MOB3C: variants seen among roughly 807,000 people sequenced by gnomAD.
MOB3C encodes MOB1, Mps One Binder kinase activator-like 2C.
A neutral mutation model predicts 19.8 loss-of-function variants in MOB3C; 17 were observed. That is an observed-to-expected ratio of 0.86 (90% CI 0.59 to 1.29). The LOEUF (loss-of-function observed/expected upper bound fraction) is 1.29. Among genes scored for constraint, MOB3C ranks in the 50% most tolerant of loss-of-function variants. The pLI is 0.00. For synonymous variants in MOB3C, 101 were observed against 119.2 expected, an observed-to-expected ratio of 0.85 and a Z score of 0.99; for missense variants, 291 against 301.9, an observed-to-expected ratio of 0.96 and a Z score of 0.27.
intron 1 of MOB3C, chr1:46,613,990 A>AG (rs1273712533): frequency 6.6e-6 from 1 of 152,168 alleles, no homozygotes; most frequent in African/African-American, 2.4e-5. Context: ...GCACTGGAGG[A>AG]GGGGGAGGGC....
At chr1:46,609,762 G>A (rs1461430123) in intron 3 of MOB3C, 78 bp from the exon 4 acceptor site, 1 of 1,574,720 alleles carries the variant, frequency 6.4e-7, no homozygotes, top group East Asian at 2.3e-5. Flanking sequence ...ATAGGGCCTA[G>A]CTGCTCTTCT....
At chr1:46,616,022 C>A in intron 1 of MOB3C, 1 of 152,508 alleles carries the variant, frequency 6.6e-6, no homozygotes, top group Non-Finnish European at 1.5e-5. Context: ...CCCATGCCCT[C>A]ACTGAGTTTC....
intron 1 of MOB3C, chr1:46,614,014 G>C (rs941637962): frequency 6.6e-6 from 1 of 152,316 alleles, no homozygotes; most frequent in Admixed American, 6.5e-5. Context: ...AGGCCAATGA[G>C]GGCGTCGCTT....
rs1363315007 is a variant in MOB3C at position 46,608,883 on chromosome 1, A to G, written c.*772T>C. On this transcript the variant is annotated 3_prime_UTR_variant, in exon 4 of 4. Coordinates refer to ENST00000319928, the MANE Select transcript of MOB3C (RefSeq NM_201403.3). This position sits in a 1 kb window ranked among gnomAD's most constrained non-coding sequence, Gnocchi z 4.5. ...GTCAGCTCATGGGCATCTCTGGGTA[A>G]GAGAATCAGAGCCTGTGTCTGCAGT... The G allele has an allele frequency of 6.5e-6, 1 of 152,788 alleles. No homozygotes were observed. Among genetic ancestry groups the G allele is most frequent in the Non-Finnish European group, 1.5e-5 (1 of 68,288 alleles). 9.5% of individuals were successfully genotyped at this position (152,788 alleles called of 1,614,324 possible).
chr1:46,614,853 G>A (rs999785786), intron 1 of MOB3C: 1 of 703,610 alleles, frequency 1.4e-6, no homozygotes, highest in Non-Finnish European at 2.4e-6. Context: ...TGAGACAAAG[G>A]TCCTTCCTTG....
Position 46,611,413 on chromosome 1 carries a change from T to C in MOB3C, c.419-1209A>G, listed in dbSNP as rs1194042306. On this transcript the variant is annotated intron_variant, in intron 2 of 3. Transcript: ENST00000319928. This position sits in a 1 kb window ranked among gnomAD's most constrained non-coding sequence, Gnocchi z 4.1. Reference sequence around the variant, plus strand: ...CCATGAAAAAGGCCCCGCTTCTGCATAGTCCCCCATGCTCAAGGCAGAGAT... The same window carrying C: ...CCATGAAAAAGGCCCCGCTTCTGCACAGTCCCCCATGCTCAAGGCAGAGAT... Among the ~76,000 whole-genome samples the C allele has an allele frequency of 2.6e-5, 4 of 152,186 alleles. No homozygotes were observed.
chr1:46,610,236 G>C, intron 2 of MOB3C, 32 bp from the exon 3 acceptor site: 1 of 1,605,638 alleles, frequency 6.2e-7, no homozygotes, highest in African/African-American at 1.3e-5. Context: ...AAGGGGATCA[G>C]TATCCTGGTG....
At chr1:46,609,775 C>G in intron 3 of MOB3C, 91 bp from the exon 4 acceptor site, 1 of 1,540,494 alleles carries the variant, frequency 6.5e-7, no homozygotes, top group Non-Finnish European at 8.8e-7. Context: ...GCTCTTCTGT[C>G]TGAGCCTGGC....
rs1038393841 is a variant in MOB3C at position 46,608,200 on chromosome 1, A to C, written c.*1455T>G. 6.6e-6 allele frequency: 1 copy of C among 152,330 alleles called. No homozygotes were observed. The highest frequency in any genetic ancestry group is 2.4e-5 in the African/African-American group (1 of 41,462). The allele number at this position is 152,330 out of a possible 1,614,324, so 9.4% of individuals were successfully genotyped here. ...GTAGCAATTGATGGGCCCTGCGGTC[A>C]GGATCCCTGGTTTCTCCAGCTCCAT... On this transcript the variant is annotated 3_prime_UTR_variant, in exon 4 of 4. Coordinates refer to ENST00000319928, the MANE Select transcript of MOB3C (RefSeq NM_201403.3). This position sits in a 1 kb window ranked among gnomAD's most constrained non-coding sequence, Gnocchi z 4.5.
At chr1:46,613,872 G>GAGCA (rs2148804574) in intron 1 of MOB3C, 1 of 158,062 alleles carries the variant, frequency 6.3e-6, no homozygotes, top group South Asian at 2.0e-4. Context: ...GATTCCCAGG[G>GAGCA]AGCAGCAGGG....
In MOB3C at chr1:46,607,892, C is replaced by T. The variant is rs1675392776; in HGVS notation, c.*1763G>A. ...GGAAAAGCTCCTACTACCCTCGCTC[C>T]ACAGCCTCTGGCAAAGCTGCCAGGC... On this transcript the variant is annotated 3_prime_UTR_variant, in exon 4 of 4. Transcript: ENST00000319928. The T allele has an allele frequency of 6.6e-6, 1 of 152,248 alleles. No homozygotes were observed. Among genetic ancestry groups the T allele is most frequent in the Non-Finnish European group, 1.5e-5 (1 of 68,058 alleles). 9.4% of individuals were successfully genotyped at this position (152,248 alleles called of 1,614,324 possible). A position where few individuals can be genotyped will look rare whatever the true frequency, so the allele number is the denominator to read the frequency against.
At chr1:46,614,722 G>A in intron 1 of MOB3C, 1 of 458,856 alleles carries the variant, frequency 2.2e-6, no homozygotes. Context: ...GTAACCCTGG[G>A]ACAGGATTGG....
In MOB3C at chr1:46,608,416, T is replaced by C. The variant is rs1384420739; in HGVS notation, c.*1239A>G. The C allele has an allele frequency of 1.3e-5, 2 of 152,534 alleles. No individual in the cohort carries two copies. The highest frequency in any genetic ancestry group is 4.8e-5 in the African/African-American group (2 of 41,422). 9.4% of individuals were successfully genotyped at this position (152,534 alleles called of 1,614,324 possible). On this transcript the variant is annotated 3_prime_UTR_variant, in exon 4 of 4. Transcript: ENST00000319928. The surrounding 1 kb of genome is among the most constrained non-coding windows in gnomAD (Gnocchi z 4.5). ...CTGCCTCAGTTTCCCCACCTGTGGG[T>C]CTGCGTATAGGGCTGGGTATGGAGG...
In MOB3C at chr1:46,613,131, A is replaced by C. The variant is rs1424325915; in HGVS notation, c.191T>G (p.Val64Gly). ...GTTGATGCGGTTGAAGAAGTCCACC[A>C]CGTGCACGGCGATCCAGTCGTCGAT... ...ENIDDWIAVH[V>G]VDFFNRINLI... The change falls in exon 2 of 4, where the codon GTG becomes GGG. Residue 64 changes from valine to glycine, a missense_variant. Val to Gly is a moderately radical substitution (Grantham distance 109). Transcript: ENST00000319928. 1.2e-6 allele frequency: 2 copies of C among 1,614,252 alleles called. No individual in the cohort carries two copies. The highest frequency in any genetic ancestry group is 1.7e-6 in the Non-Finnish European group (2 of 1,180,040).
At chr1:46,610,523 A>C (rs1268662640) in intron 2 of MOB3C, among the ~76,000 whole-genome samples, 2 of 152,146 alleles carry the variant, frequency 1.3e-5, no homozygotes, top group Non-Finnish European at 2.9e-5. Flanking sequence ...AGCTGGGATT[A>C]CAGACATGTG....
In MOB3C at chr1:46,613,140, G is replaced by T. The variant is rs371678179; in HGVS notation, c.182C>A (p.Ala61Asp). ...PPGENIDDWI[A>D]VHVVDFFNRI... ...GTTGAAGAAGTCCACCACGTGCACG[G>T]CGATCCAGTCGTCGATGTTCTCCCC... is the stretch of plus-strand genomic sequence containing the variant. The change falls in exon 2 of 4, where the codon GCC becomes GAC. Residue 61 changes from alanine to aspartate, a missense_variant. Physicochemically the swap from Ala to Asp is moderately radical, Grantham distance 126 (BLOSUM62 -2). Transcript: ENST00000319928. 4.3e-6 allele frequency: 7 copies of T among 1,614,146 alleles called. No homozygotes were observed. The African/African-American group carries it at 9.3e-5, about 22-fold the overall frequency.
chr1:46,609,535 T>C lies in MOB3C; in HGVS notation c.*120A>G, dbSNP rs1675425436. The C allele has an allele frequency of 7.8e-7, 1 of 1,287,518 alleles. No homozygotes were observed. The highest frequency in any genetic ancestry group is 1.1e-6 in the Non-Finnish European group (1 of 895,340). The allele number at this position is 1,287,518 out of a possible 1,614,324, so 79.8% of individuals were successfully genotyped here. On this transcript the variant is annotated 3_prime_UTR_variant, in exon 4 of 4. Coordinates refer to ENST00000319928, the MANE Select transcript of MOB3C (RefSeq NM_201403.3). ...TCCTGAGAACCAGAAGTCCAGAGGC[T>C]TTGGGTGTGTGGAGTGATTCCAGTG...
rs200539864 is a variant in MOB3C, at chr1:46,612,995, G to A, written c.327C>T (p.Pro109=). Residue 109 remains proline, a synonymous_variant, in exon 2 of 4, where the codon CCC becomes CCT. Transcript: ENST00000319928. ...RWQDERQYRR[P]AKLSAPRYMA... ...TATAGCGCGGCGCAGAGAGCTTGGC[G>A]GGCCGCCGGTACTGGCGCTCGTCCT... 1 of 1,612,266 alleles carries A rather than the reference G, an allele frequency of 6.2e-7. No homozygotes were observed. The highest frequency in any genetic ancestry group is 1.3e-5 in the African/African-American group (1 of 75,050).
At chr1:46,609,852 C>A in intron 3 of MOB3C, 150 bp downstream of exon 3, 1 of 1,218,004 alleles carries the variant, frequency 8.2e-7, no homozygotes, top group Non-Finnish European at 1.2e-6. Context: ...TGAATGAATT[C>A]TCTATTGAAG....
Sources: gnomAD v4.1 joint callset for allele counts (sites outside exome capture counted in the v4.1 genomes callset) on GRCh38, gnomAD v4.1.1 for gene constraint, Gnocchi (gnomAD v3.1) non-coding constraint, MANE v1.5 for transcripts, NCBI Gene and HGNC (gene_info 2026-07-23, HGNC 2026-07-21) for gene names.